Variants in GARRE1 observed in about 807,000 individuals in gnomAD.
GARRE1 encodes the protein granule associated Rac and RHOG effector 1.
In GARRE1, 49 loss-of-function variants were observed where a neutral mutation model predicts 103.2. The ratio of observed to expected loss-of-function variants is 0.47; its 90% CI spans 0.38 to 0.60. The LOEUF is 0.60. GARRE1 is among the 20% of genes least tolerant of loss of function. GARRE1 has a pLI of 0.00. For synonymous variants in GARRE1, 505 were observed against 532.8 expected (o/e 0.95, Z 0.72); for missense variants, 1,199 against 1,370.5 (o/e 0.87, Z 1.98).
chr19:34,298,134 T>C (rs902116671), intron 1 of GARRE1, among the ~76,000 whole-genome samples: 3 of 152,180 alleles, frequency 2.0e-5, no homozygotes, highest in Admixed American at 6.6e-5. Context: ...CAGTTGAATA[T>C]GTGGTCAAGC....
At chr19:34,277,853 C>A (rs1164448160) in intron 1 of GARRE1, among the ~76,000 whole-genome samples, 4 of 147,056 alleles carry the variant, frequency 2.7e-5, no homozygotes, top group South Asian at 2.2e-4. Flanking sequence ...ATGGAGTATT[C>A]AAAAAAAAAC....
intron 2 of GARRE1, among the ~76,000 whole-genome samples, chr19:34,315,688 G>A (rs2074056844): frequency 9.4e-6 from 1 of 106,060 alleles, no homozygotes; most frequent in African/African-American, 3.7e-5. Context: ...TCCAGCCTGG[G>A]CAACAGAGCA....
chr19:34,344,000 T>C (rs749560111), intron 10 of GARRE1, among the ~76,000 whole-genome samples: 19 of 152,324 alleles, frequency 1.2e-4, no homozygotes, highest in Middle Eastern at 3.4e-3. Flanking sequence ...AACTTTGTCT[T>C]GGACTTCACA....
intron 2 of GARRE1, among the ~76,000 whole-genome samples, chr19:34,307,526 TTATATA>T (rs138253510): frequency 6.7e-6 from 1 of 148,850 alleles, no homozygotes; most frequent in African/African-American, 2.5e-5. Context: ...TATATACGTA[TTATATA>T]TATATATGCC....
intron 2 of GARRE1, among the ~76,000 whole-genome samples, chr19:34,310,852 C>A (rs1279978389): frequency 6.6e-6 from 1 of 152,194 alleles, no homozygotes; most frequent in Non-Finnish European, 1.5e-5. Context: ...GAACCTCCTA[C>A]CTAACTGAGA....
chr19:34,336,817 A>C (rs2074163129), intron 8 of GARRE1, among the ~76,000 whole-genome samples: 1 of 151,782 alleles, frequency 6.6e-6, no homozygotes, highest in Non-Finnish European at 1.5e-5. Context: ...GAAAATGTTA[A>C]AACTTAATCA....
chr19:34,348,802 C>G, intron 11 of GARRE1: 2 of 569,146 alleles, frequency 3.5e-6, no homozygotes, highest in South Asian at 2.2e-5. Flanking sequence ...ATATACAAAC[C>G]ATAGGCTTCT....
intron 13 of GARRE1, among the ~76,000 whole-genome samples, chr19:34,351,876 G>C (rs1484013635): frequency 6.6e-6 from 1 of 152,186 alleles, no homozygotes; most frequent in African/African-American, 2.4e-5. Flanking sequence ...CAAGGCAGAA[G>C]GATGGCTTGA....
intron 9 of GARRE1, among the ~76,000 whole-genome samples, chr19:34,340,372 G>T (rs1265799195): frequency 6.6e-6 from 1 of 152,098 alleles, no homozygotes; most frequent in Non-Finnish European, 1.5e-5. Flanking sequence ...GTTCTCTCAG[G>T]TTGAACTTGA....
chr19:34,320,338 C>G (rs752350434), intron 3 of GARRE1, among the ~76,000 whole-genome samples: 1 of 152,248 alleles, frequency 6.6e-6, no homozygotes, highest in African/African-American at 2.4e-5. Context: ...CTCACAGCCT[C>G]CTGGGAGAAT....
At chr19:34,288,459 C>T (rs1215134003) in intron 1 of GARRE1, among the ~76,000 whole-genome samples, 1 of 152,206 alleles carries the variant, frequency 6.6e-6, no homozygotes, top group Non-Finnish European at 1.5e-5. Context: ...ACAGCCTCCC[C>T]TGTGTGCAAT....
rs144261536 is a variant in GARRE1 at position 34,342,035 on chromosome 19, C to T, written c.2101C>T (p.Arg701Trp). Residue 701 changes from arginine to tryptophan, a missense_variant, in exon 10 of 14, where the codon CGG (arginine) becomes TGG (tryptophan). Physicochemically the swap from Arg to Trp is moderately radical, Grantham distance 101. Coordinates refer to ENST00000299505, the MANE Select transcript of GARRE1 (RefSeq NM_014686.5). ...GTCACTGCCTGTGCCCCCTCCACCA[C>T]GGGCACCCCAGGCTGGGGCACACAC... is the stretch of plus-strand genomic sequence containing the variant. ...QPSLPVPPPP[R>W]APQAGAHTPL... 63 of 1,613,966 alleles carry T rather than the reference C, an allele frequency of 3.9e-5. No individual in the cohort carries two copies. The highest frequency in any genetic ancestry group is 4.7e-5 in the Non-Finnish European group (56 of 1,180,016).
chr19:34,254,785 C>T (rs1232890579), intron 1 of GARRE1, among the ~76,000 whole-genome samples, 171 bp downstream of exon 1: 2 of 149,126 alleles, frequency 1.3e-5, no homozygotes, highest in East Asian at 3.9e-4. Flanking sequence ...CGCCCCTTGC[C>T]CGCCCGCTGT....
At chr19:34,313,529 C>T (rs987914119) in intron 2 of GARRE1, among the ~76,000 whole-genome samples, 2 of 152,116 alleles carry the variant, frequency 1.3e-5, no homozygotes, top group African/African-American at 4.8e-5. Context: ...GCATCTAGTG[C>T]GACAGAGCGG....
At chr19:34,280,334 A>C (rs2073843861) in intron 1 of GARRE1, among the ~76,000 whole-genome samples, 1 of 152,176 alleles carries the variant, frequency 6.6e-6, no homozygotes, top group Admixed American at 6.6e-5. Flanking sequence ...AGTGATGTTG[A>C]GCATCTTTTC....
chr19:34,301,801 G>C (rs564889265), intron 2 of GARRE1, among the ~76,000 whole-genome samples: 311 of 150,482 alleles, frequency 2.1e-3, no homozygotes, highest in Middle Eastern at 0.01. Flanking sequence ...TCCTGCCTCA[G>C]CCTCCCTAGT....
chr19:34,255,876 C>CT (rs1248996292), intron 1 of GARRE1, among the ~76,000 whole-genome samples: 2 of 151,942 alleles, frequency 1.3e-5, no homozygotes, highest in African/African-American at 4.8e-5. Flanking sequence ...CAGTCTCCCT[C>CT]TGTCACCCAG....
chr19:34,260,240 A>G (rs573568563), intron 1 of GARRE1, among the ~76,000 whole-genome samples: 242 of 152,332 alleles, frequency 1.6e-3, no homozygotes, highest in Non-Finnish European at 2.6e-3. Flanking sequence ...GATCATTAGC[A>G]TTTTTTAGTA....
chr19:34,270,073 C>T (rs1599748219), intron 1 of GARRE1, among the ~76,000 whole-genome samples: 1 of 152,332 alleles, frequency 6.6e-6, no homozygotes, highest in South Asian at 2.1e-4. Context: ...GATTTGTGTT[C>T]AGGAAGCTAG....
Sources: allele counts gnomAD v4.1 joint callset (sites outside exome capture counted in the v4.1 genomes callset), GRCh38; gene constraint gnomAD v4.1.1; transcripts MANE v1.5; gene names NCBI Gene and HGNC (gene_info 2026-07-23, HGNC 2026-07-21).